Variants in DGKG observed in about 807,000 individuals in gnomAD.
DGKG encodes DAG kinase gamma.
DGKG carries 78 observed loss-of-function variants against 105.3 expected under a neutral mutation model. The observed-to-expected ratio is 0.74, with a 90% CI of 0.62 to 0.89. The LOEUF is 0.89. Among genes scored for constraint, DGKG ranks in the 40% least tolerant of loss-of-function variants. The probability of loss-of-function intolerance (pLI) is 0.00; values close to 1 mark genes in which losing one functional copy is unlikely to be tolerated. For synonymous variants in DGKG, 346 were observed against 367.1 expected, an observed-to-expected ratio of 0.94 and a Z score of 0.66; for missense variants, 958 against 1,020.1, an observed-to-expected ratio of 0.94 and a Z score of 0.83.
chr3:186,235,788 G>T (rs920373271), intron 20 of DGKG, among the ~76,000 whole-genome samples: 2 of 152,120 alleles, frequency 1.3e-5, no homozygotes, highest in Non-Finnish European at 2.9e-5. Flanking sequence ...AGAGGTACGT[G>T]GTGGGTGAGG....
chr3:186,259,539 C>T (rs1286195007), intron 16 of DGKG, among the ~76,000 whole-genome samples: 1 of 152,222 alleles, frequency 6.6e-6, no homozygotes, highest in East Asian at 1.9e-4. Context: ...TTGGTGTCAG[C>T]CAACCAAAGA....
intron 20 of DGKG, among the ~76,000 whole-genome samples, chr3:186,230,114 C>T (rs903005280): frequency 2.6e-5 from 4 of 151,998 alleles, no homozygotes; most frequent in Non-Finnish European, 5.9e-5. Flanking sequence ...AAAAATTAGC[C>T]GGGTGTGGTG....
At chr3:186,308,566 C>T (rs888268963) in intron 2 of DGKG, among the ~76,000 whole-genome samples, 2 of 152,138 alleles carry the variant, frequency 1.3e-5, no homozygotes, top group Admixed American at 6.5e-5. Flanking sequence ...TTCTCCATGG[C>T]TTTGCTGACT....
intron 21 of DGKG, among the ~76,000 whole-genome samples, chr3:186,194,516 G>A (rs1718076987): frequency 6.6e-6 from 1 of 152,208 alleles, no homozygotes; most frequent in Non-Finnish European, 1.5e-5. Flanking sequence ...TTTATTTGAT[G>A]ACCTGTTTCA....
Position 186,147,510 on chromosome 3 carries a change from A to G in DGKG, c.*2580T>C, listed in dbSNP as rs1472814794. On this transcript the variant is annotated 3_prime_UTR_variant, in exon 25 of 25. Transcript: ENST00000265022. ...ATTTGCAAGGCACGATTAAACAACA[A>G]CACAAGATTTACTAAGGTTACCAAA... The G allele has an allele frequency of 3.0e-6, 3 of 985,302 alleles. No individual in the cohort carries two copies. Among genetic ancestry groups the G allele is most frequent in the Admixed American group, 6.2e-5 (1 of 16,258 alleles). The allele number at this position is 985,302 out of a possible 1,614,324, so 61.0% of individuals were successfully genotyped here.
intron 22 of DGKG, among the ~76,000 whole-genome samples, chr3:186,176,222 A>C (rs1245090151): frequency 1.3e-5 from 2 of 152,160 alleles, no homozygotes. Context: ...TACTTTACCC[A>C]CTGAGCTCAG....
chr3:186,244,312 G>A (rs1212577852), intron 19 of DGKG, among the ~76,000 whole-genome samples: 5 of 152,110 alleles, frequency 3.3e-5, no homozygotes, highest in Non-Finnish European at 2.9e-5. Flanking sequence ...AAGGTGGCAG[G>A]GCAAGAGGAG....
At chr3:186,204,847 G>A (rs1056514350) in intron 21 of DGKG, among the ~76,000 whole-genome samples, 4 of 152,086 alleles carry the variant, frequency 2.6e-5, no homozygotes, top group Non-Finnish European at 2.9e-5. Context: ...TTGCTGAACC[G>A]CTCTCCAAAG....
intron 22 of DGKG, among the ~76,000 whole-genome samples, chr3:186,173,491 G>A (rs1716926536): frequency 6.6e-6 from 1 of 152,240 alleles, no homozygotes; most frequent in Non-Finnish European, 1.5e-5. Flanking sequence ...AGACAGGTGA[G>A]TGGGAGCTGT....
At chr3:186,235,609 C>A (rs1720377624) in intron 20 of DGKG, among the ~76,000 whole-genome samples, 1 of 152,182 alleles carries the variant, frequency 6.6e-6, no homozygotes, top group African/African-American at 2.4e-5. Flanking sequence ...AGAAGAAAAT[C>A]TTATGTAAAT....
chr3:186,212,953 G>T (rs181627887), intron 20 of DGKG, among the ~76,000 whole-genome samples: 1 of 152,348 alleles, frequency 6.6e-6, no homozygotes, highest in Non-Finnish European at 1.5e-5. Flanking sequence ...TCAGAGGGAA[G>T]AGGGCTCTTA....
At chr3:186,311,208 A>C (rs1387202156) in intron 2 of DGKG, among the ~76,000 whole-genome samples, 2 of 152,226 alleles carry the variant, frequency 1.3e-5, no homozygotes, top group Non-Finnish European at 2.9e-5. Context: ...CCTGGAATTC[A>C]GATGTACAGT....
rs559850508 is a variant in DGKG, at chr3:186,304,043, A to G, written c.144+2858T>C. ...CTGGGACCCAGCAGTGCCTGGCATT[A>G]CAAAAAGTGGGGGCCAGCCCCGACA... On this transcript the variant is annotated intron_variant, in intron 3 of 24. Transcript: ENST00000265022. Among the ~76,000 whole-genome samples the G allele has an allele frequency of 3.9e-5, 6 of 152,332 alleles. No homozygotes were observed. In the East Asian group the frequency reaches 1.2e-3, roughly 29 times the overall value.
chr3:186,262,639 T>G (rs1472869873), intron 14 of DGKG, among the ~76,000 whole-genome samples: 1 of 152,220 alleles, frequency 6.6e-6, no homozygotes, highest in Non-Finnish European at 1.5e-5. Flanking sequence ...ATCAAAGGCC[T>G]TTTCAGTCTA....
At chr3:186,217,851 A>G (rs1341274440) in intron 20 of DGKG, among the ~76,000 whole-genome samples, 1 of 152,190 alleles carries the variant, frequency 6.6e-6, no homozygotes, top group Non-Finnish European at 1.5e-5. Flanking sequence ...GAAAACATTT[A>G]TTTGGGCTTA....
At chr3:186,172,739 A>G (rs1261859610) in intron 22 of DGKG, among the ~76,000 whole-genome samples, 1 of 152,250 alleles carries the variant, frequency 6.6e-6, no homozygotes, top group Non-Finnish European at 1.5e-5. Context: ...GAGGTAAAGA[A>G]AAAAGCTGGG....
At chr3:186,236,046 T>C (rs1720404824) in intron 20 of DGKG, among the ~76,000 whole-genome samples, 1 of 152,184 alleles carries the variant, frequency 6.6e-6, no homozygotes, top group Non-Finnish European at 1.5e-5. Flanking sequence ...ACTTCGAATC[T>C]CTAGTGTCCA....
At chr3:186,245,334 C>T (rs1720888829) in intron 19 of DGKG, among the ~76,000 whole-genome samples, 1 of 152,146 alleles carries the variant, frequency 6.6e-6, no homozygotes, top group Non-Finnish European at 1.5e-5. Flanking sequence ...TTTTCTAAGT[C>T]TTAAAAAGGC....
At chr3:186,357,050 G>A (rs370137016) in intron 1 of DGKG, among the ~76,000 whole-genome samples, 34 of 152,070 alleles carry the variant, frequency 2.2e-4, no homozygotes, top group African/African-American at 7.2e-4. Context: ...AGGGATCCTC[G>A]CCATCTGTTG....
Sources: gnomAD v4.1 joint callset for allele counts (sites outside exome capture counted in the v4.1 genomes callset) on GRCh38, gnomAD v4.1.1 for gene constraint, MANE v1.5 for transcripts, NCBI Gene and HGNC (gene_info 2026-07-23, HGNC 2026-07-21) for gene names.